TMPRSS15: variants seen among roughly 807,000 people sequenced by gnomAD.
TMPRSS15 encodes enteropeptidase.
In TMPRSS15, 128 loss-of-function variants were observed where a neutral mutation model predicts 125.3. The observed-to-expected ratio is 1.02, with a 90% confidence interval of 0.89 to 1.18. The LOEUF is 1.18. Ranked by LOEUF, TMPRSS15 falls within the 50% of genes most tolerant of loss-of-function variation. The pLI is 0.00. For synonymous variants in TMPRSS15, 446 were observed against 423.2 expected, an observed-to-expected ratio of 1.05 and a Z score of -0.66; for missense variants, 1,283 against 1,212.7, an observed-to-expected ratio of 1.06 and a Z score of -0.86.
At chr21:18,383,870 T>C (rs147980961) in intron 3 of TMPRSS15, 92 bp from the exon 4 acceptor site, 399 of 1,433,028 alleles carry the variant, frequency 2.8e-4, no homozygotes, top group Middle Eastern at 1.6e-3. Flanking sequence ...AAATTCTCTA[T>C]AGTTATCATC....
intron 21 of TMPRSS15, among the ~76,000 whole-genome samples, chr21:18,288,674 G>A (rs1246263985): frequency 1.3e-5 from 2 of 151,458 alleles, no homozygotes; most frequent in African/African-American, 2.4e-5. Flanking sequence ...CCGAGTAGCT[G>A]GGACTACAGG....
At chr21:18,351,435 T>C (rs1194217787) in intron 10 of TMPRSS15, among the ~76,000 whole-genome samples, 1 of 152,124 alleles carries the variant, frequency 6.6e-6, no homozygotes, top group African/African-American at 2.4e-5. Flanking sequence ...CCCCATGTGC[T>C]GAGGGCAGGA....
At position 18,312,951 on chromosome 21, in the gene TMPRSS15, C is replaced by T. The variant is rs765072586; in HGVS notation, c.2159G>A (p.Gly720Glu). Residue 720 changes from glycine to glutamate, a missense_variant, in exon 18 of 25, where the codon GGA (glycine) becomes GAA (glutamate). Transcript: ENST00000284885. ...ACTCAGTAGAATTACTTACCCTAGT[C>T]CCAGCAGTTGACAAACATCATTTGA... ...QISNDVCQLLGLGSGNSSKPI... is the reference protein window; with the variant it reads ...QISNDVCQLLELGSGNSSKPI... The T allele has an allele frequency of 6.2e-7, 1 of 1,613,708 alleles. No homozygotes were observed. Among genetic ancestry groups the T allele is most frequent in the Non-Finnish European group, 8.5e-7 (1 of 1,179,742 alleles).
intron 1 of TMPRSS15, among the ~76,000 whole-genome samples, chr21:18,463,676 TAAA>T (rs1254115187): frequency 6.6e-6 from 1 of 152,082 alleles, no homozygotes; most frequent in Non-Finnish European, 1.5e-5. Flanking sequence ...ACACTTATTC[TAAA>T]ATCAACCACA....
chr21:18,411,267 A>T (rs557827069), intron 1 of TMPRSS15, among the ~76,000 whole-genome samples: 2 of 152,202 alleles, frequency 1.3e-5, no homozygotes, highest in East Asian at 3.9e-4. Flanking sequence ...ATCACTAGAC[A>T]TGTTGACAGA....
chr21:18,363,736 A>G (rs1305526211), intron 7 of TMPRSS15, among the ~76,000 whole-genome samples: 1 of 152,070 alleles, frequency 6.6e-6, no homozygotes, highest in East Asian at 1.9e-4. Context: ...GTGTTTCTGC[A>G]TCAGAAAAAT....
intron 1 of TMPRSS15, among the ~76,000 whole-genome samples, chr21:18,422,304 C>T (rs2076193986): frequency 1.3e-5 from 2 of 151,772 alleles, no homozygotes; most frequent in Admixed American, 6.6e-5. Flanking sequence ...AAGTATTACT[C>T]TTAATGAAAA....
intron 1 of TMPRSS15, among the ~76,000 whole-genome samples, chr21:18,428,098 T>G (rs1219740759): frequency 6.6e-6 from 1 of 152,218 alleles, no homozygotes; most frequent in East Asian, 1.9e-4. Flanking sequence ...TATTATTAAT[T>G]ATTGATATTA....
intron 1 of TMPRSS15, among the ~76,000 whole-genome samples, chr21:18,469,737 G>A (rs1432284580): frequency 6.6e-6 from 1 of 151,968 alleles, no homozygotes; most frequent in East Asian, 1.9e-4. Context: ...AATTTTGTGG[G>A]GAAGACAAAC....
chr21:18,316,196 CTCT>C (rs1394538675), intron 16 of TMPRSS15, among the ~76,000 whole-genome samples: 17 of 152,208 alleles, frequency 1.1e-4, no homozygotes, highest in African/African-American at 3.9e-4. Context: ...CCTCAGACAT[CTCT>C]TTTGCAGCAA....
intron 1 of TMPRSS15, among the ~76,000 whole-genome samples, chr21:18,424,157 T>C (rs1169391224): frequency 1.3e-5 from 2 of 152,212 alleles, no homozygotes; most frequent in African/African-American, 2.4e-5. Context: ...AGATTCATAG[T>C]GTTATCTGAG....
intron 1 of TMPRSS15, among the ~76,000 whole-genome samples, chr21:18,441,670 T>C (rs1356659899): frequency 1.8e-5 from 1 of 54,962 alleles, no homozygotes; most frequent in Admixed American, 1.7e-4. Flanking sequence ...ACATTATTAT[T>C]ATTATTATTA....
intron 3 of TMPRSS15, among the ~76,000 whole-genome samples, chr21:18,388,967 G>C (rs1337299753): frequency 6.6e-6 from 1 of 152,002 alleles, no homozygotes; most frequent in Non-Finnish European, 1.5e-5. Flanking sequence ...ATGTACTGTA[G>C]GTAGGAAGGA....
In TMPRSS15 at chr21:18,332,751, C is replaced by A. The variant is rs576686461; in HGVS notation, c.1565-578G>T. On this transcript the variant is annotated intron_variant, in intron 13 of 24. Coordinates refer to ENST00000284885, the MANE Select transcript of TMPRSS15 (RefSeq NM_002772.3). ...AGCAATTCCGCTACTCGGTATATAC[C>A]CAAAGGAATATAAATCATTCTATTA... Among the ~76,000 whole-genome samples the A allele has an allele frequency of 2.0e-5, 3 of 152,110 alleles. No individual in the cohort carries two copies. The East Asian group carries it at 5.8e-4, about 29-fold the overall frequency.
intron 1 of TMPRSS15, among the ~76,000 whole-genome samples, chr21:18,469,980 A>G (rs1195932184): frequency 6.6e-6 from 1 of 152,050 alleles, no homozygotes; most frequent in Non-Finnish European, 1.5e-5. Context: ...CCTTTGGTAA[A>G]TTTCATAAAT....
At chr21:18,359,929 A>T in intron 7 of TMPRSS15, 66 bp from the exon 8 acceptor site, 1 of 769,122 alleles carries the variant, frequency 1.3e-6, no homozygotes. Context: ...AATGCATTCT[A>T]GAATTTGTAT....
intron 14 of TMPRSS15, among the ~76,000 whole-genome samples, chr21:18,331,072 CAAAAA>C (rs34006357): frequency 2.2e-5 from 2 of 89,750 alleles, no homozygotes; most frequent in Admixed American, 1.3e-4. Flanking sequence ...GACTCCATCT[CAAAAA>C]AAAAAAAAAA....
intron 18 of TMPRSS15, among the ~76,000 whole-genome samples, chr21:18,307,143 A>C (rs2075046800): frequency 6.6e-6 from 1 of 152,208 alleles, no homozygotes; most frequent in African/African-American, 2.4e-5. Flanking sequence ...CTCATTAAGG[A>C]TGTAACTTTC....
intron 4 of TMPRSS15, among the ~76,000 whole-genome samples, chr21:18,380,270 C>T (rs2123043902): frequency 6.6e-6 from 1 of 151,768 alleles, no homozygotes; most frequent in South Asian, 2.1e-4. Flanking sequence ...CACACACACT[C>T]ATATATCTCT....
Sources: gnomAD v4.1 joint callset for allele counts (sites outside exome capture counted in the v4.1 genomes callset) on GRCh38, gnomAD v4.1.1 for gene constraint, MANE v1.5 for transcripts, NCBI Gene and HGNC (gene_info 2026-07-23, HGNC 2026-07-21) for gene names.